Variants in SHISA9 observed in about 807,000 individuals in gnomAD.
SHISA9 encodes the protein protein shisa-9.
A neutral mutation model predicts 38.0 loss-of-function variants in SHISA9; 13 were observed. The observed-to-expected ratio is 0.34, with a 90% CI of 0.22 to 0.54. The LOEUF is 0.54. Among genes scored for constraint, SHISA9 ranks in the 20% least tolerant of loss-of-function variants. The pLI is 0.91. For missense variants in SHISA9, 538 were observed against 575.8 expected, an observed-to-expected ratio of 0.93 and a Z score of 0.67; for synonymous variants, 275 against 242.0, an observed-to-expected ratio of 1.14 and a Z score of -1.27.
the SHISA9 span, among the ~76,000 whole-genome samples, chr16:13,250,919 C>T: frequency 1.3e-5 from 2 of 152,130 alleles, no homozygotes; most frequent in African/African-American, 4.8e-5. Context: ...TTTTAAGAAA[C>T]ACTTTGGGGA....
At chr16:13,227,911 C>T (rs2051294909) in intron 4 of SHISA9, among the ~76,000 whole-genome samples, 1 of 152,186 alleles carries the variant, frequency 6.6e-6, no homozygotes, top group Admixed American at 6.5e-5. Flanking sequence ...AGTAAGTTGC[C>T]TACCATAGAG....
At chr16:12,999,975 G>A (rs953494593) in intron 2 of SHISA9, among the ~76,000 whole-genome samples, 4 of 152,206 alleles carry the variant, frequency 2.6e-5, no homozygotes, top group Admixed American at 6.5e-5. Flanking sequence ...ATGGGTTTTG[G>A]TAAACAGCCT....
At chr16:13,462,984 TAAA>T in the SHISA9 span, among the ~76,000 whole-genome samples, 9 of 149,380 alleles carry the variant, frequency 6.0e-5, no homozygotes, top group East Asian at 4.2e-4. Flanking sequence ...AATAAATAAA[TAAA>T]AAATAAAAAT....
At chr16:13,487,053 G>C in the SHISA9 span, among the ~76,000 whole-genome samples, 8 of 152,276 alleles carry the variant, frequency 5.3e-5, no homozygotes, top group East Asian at 1.4e-3. Context: ...ACCAGGCTAG[G>C]CTAAGTAGTT....
chr16:13,391,128 G>C, the SHISA9 span, among the ~76,000 whole-genome samples: 1 of 152,188 alleles, frequency 6.6e-6, no homozygotes. Flanking sequence ...GCAAGAGATA[G>C]AGTGACATTC....
chr16:13,082,660 T>A (rs931635008), intron 2 of SHISA9: 1 of 152,134 alleles, frequency 6.6e-6, no homozygotes, highest in Non-Finnish European at 1.5e-5. Context: ...ATGGCTAAGA[T>A]TGGTGTACAG....
the SHISA9 span, among the ~76,000 whole-genome samples, chr16:13,522,748 ATAACCCATCACTTTAAAT>A: frequency 6.6e-6 from 1 of 152,166 alleles, no homozygotes; most frequent in African/African-American, 2.4e-5. Context: ...CCTGATGCTA[ATAACCCATCACTTTAAAT>A]TAGTTCTTTA....
the SHISA9 span, among the ~76,000 whole-genome samples, chr16:13,561,471 C>A: frequency 6.6e-6 from 1 of 152,172 alleles, no homozygotes; most frequent in African/African-American, 2.4e-5. Flanking sequence ...AGAAACAAGC[C>A]GTGGGCAGGA....
intron 2 of SHISA9, among the ~76,000 whole-genome samples, chr16:12,987,666 G>A (rs189746986): frequency 6.6e-6 from 1 of 152,224 alleles, no homozygotes; most frequent in East Asian, 1.9e-4. Context: ...GGGCTGATAG[G>A]TGCAGCTAAC....
chr16:13,144,392 C>A (rs1036832599), intron 2 of SHISA9, among the ~76,000 whole-genome samples: 1 of 152,062 alleles, frequency 6.6e-6, no homozygotes, highest in Non-Finnish European at 1.5e-5. Context: ...GCTTCATGAT[C>A]TACCTGCCTC....
chr16:13,135,048 A>G lies in SHISA9; in HGVS notation c.692-68346A>G, dbSNP rs1037207876. Among the ~76,000 whole-genome samples, 6 of 152,180 alleles carry G rather than the reference A, an allele frequency of 3.9e-5. No individual in the cohort carries two copies. In the East Asian group the frequency reaches 9.6e-4, roughly 24 times the overall value. The stretch of plus-strand genomic sequence containing the variant: ...TTGCTGTCAATTCACTGGCCAAAGC[A>G]AGTCACATGACTCACCTTGCTGTCA... On this transcript the variant is annotated intron_variant, in intron 2 of 4. Transcript: ENST00000558583.
chr16:13,070,980 G>A (rs565432799), intron 2 of SHISA9, among the ~76,000 whole-genome samples: 1 of 152,144 alleles, frequency 6.6e-6, no homozygotes, highest in Admixed American at 6.5e-5. Flanking sequence ...TCCTTGACCT[G>A]CCTGGTTCTT....
At chr16:13,463,617 G>T in the SHISA9 span, among the ~76,000 whole-genome samples, 1 of 152,204 alleles carries the variant, frequency 6.6e-6, no homozygotes, top group Non-Finnish European at 1.5e-5. Flanking sequence ...GTCATGAATA[G>T]GTACAAACCA....
At chr16:13,254,029 C>T in the SHISA9 span, among the ~76,000 whole-genome samples, 1 of 152,094 alleles carries the variant, frequency 6.6e-6, no homozygotes, top group African/African-American at 2.4e-5. Flanking sequence ...CTACTGCACA[C>T]TTCAGTGGTA....
At chr16:13,307,224 A>G in the SHISA9 span, among the ~76,000 whole-genome samples, 1 of 152,234 alleles carries the variant, frequency 6.6e-6, no homozygotes, top group Non-Finnish European at 1.5e-5. Flanking sequence ...TAAATCACCT[A>G]GTATGTGCAC....
chr16:13,458,530 C>T, the SHISA9 span: 3 of 420,406 alleles, frequency 7.1e-6, no homozygotes, highest in Non-Finnish European at 1.4e-5. Context: ...GGCTGAAGAA[C>T]TAGTAAAATT....
the SHISA9 span, among the ~76,000 whole-genome samples, chr16:13,368,844 A>G: frequency 7.9e-5 from 12 of 152,208 alleles, no homozygotes; most frequent in African/African-American, 2.4e-4. Flanking sequence ...ACTAATATGT[A>G]GCATATGATT....
chr16:13,354,806 T>C, the SHISA9 span, among the ~76,000 whole-genome samples: 119,664 of 151,976 alleles, frequency 0.79, 47,431 homozygotes, highest in East Asian at 0.96. Flanking sequence ...GGTGCTGGGG[T>C]TTGAGATCAG....
At position 13,135,503 on chromosome 16, in the gene SHISA9, C is replaced by A. The variant is rs370583528; in HGVS notation, c.692-67891C>A. On this transcript the variant is annotated intron_variant, in intron 2 of 4. Transcript: ENST00000558583. ...CCCATTCTTGCCAGAAGGAGGACAACCCCAATGGACAATATTCCATCCAGA... is the reference window on the plus strand; with the variant it reads ...CCCATTCTTGCCAGAAGGAGGACAAACCCAATGGACAATATTCCATCCAGA... 2.6e-5 allele frequency among the ~76,000 whole-genome samples: 4 copies of A among 152,194 alleles called. No homozygotes were observed. The East Asian group carries it at 7.7e-4, about 29-fold the overall frequency.
Sources: allele counts gnomAD v4.1 joint callset (sites outside exome capture counted in the v4.1 genomes callset), GRCh38; gene constraint gnomAD v4.1.1; transcripts MANE v1.5; gene names NCBI Gene and HGNC (gene_info 2026-07-23, HGNC 2026-07-21).